ANO2: variants seen among roughly 807,000 people sequenced by gnomAD.
The protein encoded by ANO2 is anoctamin-2.
ANO2 carries 101 observed loss-of-function variants against 124.2 expected under a neutral mutation model. The observed-to-expected ratio is 0.81, with a 90% confidence interval of 0.69 to 0.96. The LOEUF (loss-of-function observed/expected upper bound fraction) is 0.96. ANO2 is among the 40% of genes least tolerant of loss of function. ANO2 has a pLI of 0.00. For missense variants in ANO2, 1,293 were observed against 1,274.5 expected, an observed-to-expected ratio of 1.01 and a Z score of -0.22; for synonymous variants, 486 against 482.5, an observed-to-expected ratio of 1.01 and a Z score of -0.09.
chr12:5,842,954 A>C (rs1954565687), intron 4 of ANO2, among the ~76,000 whole-genome samples: 1 of 152,210 alleles, frequency 6.6e-6, no homozygotes, highest in South Asian at 2.1e-4. Flanking sequence ...TTTCCAGTCT[A>C]TTTAAACAGC....
chr12:5,836,105 C>G (rs1241656765), intron 4 of ANO2, among the ~76,000 whole-genome samples: 1 of 152,176 alleles, frequency 6.6e-6, no homozygotes, highest in Non-Finnish European at 1.5e-5. Context: ...GTCCACTCCT[C>G]TCCGTCTCCA....
intron 14 of ANO2, among the ~76,000 whole-genome samples, chr12:5,660,717 C>G (rs1947394790): frequency 6.6e-6 from 1 of 152,204 alleles, no homozygotes; most frequent in South Asian, 2.1e-4. Context: ...ATGGATCCAG[C>G]ACTTGGGTCA....
chr12:5,718,703 C>T (rs182465055), intron 14 of ANO2, among the ~76,000 whole-genome samples: 25 of 152,308 alleles, frequency 1.6e-4, no homozygotes, highest in African/African-American at 5.5e-4. Context: ...AACTGGCTTC[C>T]GGCTAGATTC....
intron 14 of ANO2, among the ~76,000 whole-genome samples, chr12:5,661,592 T>G (rs1009048727): frequency 2.6e-5 from 4 of 152,030 alleles, no homozygotes; most frequent in Non-Finnish European, 4.4e-5. Context: ...TCAGTGACGC[T>G]CAGGCCATGG....
In ANO2 at chr12:5,636,249, TC is replaced by T. The variant is rs1164812177; in HGVS notation, c.1621-903del. On this transcript the variant is annotated intron_variant, in intron 15 of 24. Transcript: ENST00000682330. The surrounding 1 kb of genome is among the most constrained non-coding windows in gnomAD (Gnocchi z 4.6). ...CCAACAGCCCCTCTTCCTTCTTCTG[TC>T]CCCACGTCCCCTCCTGTCCCCATCG... 1.3e-5 allele frequency among the ~76,000 whole-genome samples: 2 copies of T among 152,092 alleles called. No individual in the cohort carries two copies. The highest frequency in any genetic ancestry group is 3.4e-3 in the Middle Eastern group (1 of 294).
chr12:5,668,828 C>A (rs1460094769), intron 14 of ANO2, among the ~76,000 whole-genome samples: 1 of 152,060 alleles, frequency 6.6e-6, no homozygotes, highest in Non-Finnish European at 1.5e-5. Flanking sequence ...CTTGTTTTTG[C>A]CAGATTTCTC....
rs144289291 is a variant in ANO2 at position 5,702,622 on chromosome 12, C to T, written c.1545+29898G>A. 1.3e-4 allele frequency among the ~76,000 whole-genome samples: 19 copies of T among 151,850 alleles called. No homozygotes were observed. The East Asian group carries it at 3.5e-3, about 28-fold the overall frequency. ...CCGAAAACAATGAAATTGATCTCTTCCGCACTCTATACACAAAAATAAATT... is the reference window on the plus strand; with the variant it reads ...CCGAAAACAATGAAATTGATCTCTTTCGCACTCTATACACAAAAATAAATT... On this transcript the variant is annotated intron_variant, in intron 14 of 24. Transcript: ENST00000682330.
chr12:5,933,666 T>C (rs1376940929), intron 1 of ANO2, among the ~76,000 whole-genome samples: 1 of 152,222 alleles, frequency 6.6e-6, no homozygotes, highest in African/African-American at 2.4e-5. Flanking sequence ...CAACTTGGCA[T>C]CCAAAGACTT....
rs1940517365 is a variant in ANO2, at chr12:5,904,184, A to G, written c.534+16856T>C. 6.6e-6 allele frequency among the ~76,000 whole-genome samples: 1 copy of G among 152,174 alleles called. No individual in the cohort carries two copies. The highest frequency in any genetic ancestry group is 2.1e-4 in the South Asian group (1 of 4,826). ...TGCTGCAGCATTAGTCTCCAATGTA[A>G]GCAGCTTATGGAAGCTGTAGTAAAG... On this transcript the variant is annotated intron_variant, in intron 3 of 24. Coordinates refer to ENST00000682330, the MANE Select transcript of ANO2 (RefSeq NM_001364791.2). This position sits in a 1 kb window ranked among gnomAD's most constrained non-coding sequence, Gnocchi z 4.1.
chr12:5,574,080 G>A (rs1172872599), intron 23 of ANO2, among the ~76,000 whole-genome samples: 1 of 152,152 alleles, frequency 6.6e-6, no homozygotes, highest in African/African-American at 2.4e-5. Context: ...TATTGGGGAT[G>A]GTCTAAGAAA....
chr12:5,610,860 A>AC (rs1565472315), intron 19 of ANO2, among the ~76,000 whole-genome samples: 6,495 of 103,186 alleles, frequency 0.063, 417 homozygotes, highest in African/African-American at 0.15. Flanking sequence ...ACACACACAC[A>AC]ACCCTAAGGG....
intron 1 of ANO2, among the ~76,000 whole-genome samples, chr12:5,931,397 C>T (rs12368063): frequency 5.9e-5 from 9 of 151,736 alleles, no homozygotes; most frequent in African/African-American, 1.9e-4. Context: ...TAACTTCCCA[C>T]GTATTGTATA....
intron 12 of ANO2, among the ~76,000 whole-genome samples, chr12:5,741,971 C>T (rs981127064): frequency 2.6e-5 from 4 of 152,158 alleles, no homozygotes; most frequent in East Asian, 1.9e-4. Flanking sequence ...AACCTCTATT[C>T]GGAAAAGAGT....
At chr12:5,828,354 A>G (rs1050776509) in intron 6 of ANO2, among the ~76,000 whole-genome samples, 1 of 152,124 alleles carries the variant, frequency 6.6e-6, no homozygotes, top group Non-Finnish European at 1.5e-5. Flanking sequence ...GAGGGTCCTG[A>G]GCAAACGCCA....
chr12:5,740,825 C>T (rs1319870068), intron 12 of ANO2: 2 of 152,210 alleles, frequency 1.3e-5, no homozygotes, highest in African/African-American at 2.4e-5. Context: ...CTATCTGAAT[C>T]GCTCATCCTG....
intron 3 of ANO2, among the ~76,000 whole-genome samples, chr12:5,887,909 T>C (rs1253544817): frequency 6.6e-6 from 1 of 152,072 alleles, no homozygotes; most frequent in Non-Finnish European, 1.5e-5. Flanking sequence ...GCACAGGGAT[T>C]TGAATTCAGG....
chr12:5,891,089 C>T (rs542303550), intron 3 of ANO2, among the ~76,000 whole-genome samples: 4 of 151,942 alleles, frequency 2.6e-5, no homozygotes, highest in South Asian at 2.1e-4. Flanking sequence ...TCTTCAGACA[C>T]GTTCTCCTTC....
chr12:5,563,264 G>A lies in ANO2; in HGVS notation c.*35C>T. On this transcript the variant is annotated 3_prime_UTR_variant, in exon 25 of 25. Transcript: ENST00000682330. ...TGCTTACGTGCATGTGCGTGTCTCT[G>A]CTGCCGTGCCCTCCTCTGCTGCAGG... The A allele has an allele frequency of 6.4e-7, 1 of 1,573,496 alleles. No individual in the cohort carries two copies. Among genetic ancestry groups the A allele is most frequent in the Admixed American group, 1.7e-5 (1 of 57,432 alleles).
intron 15 of ANO2, among the ~76,000 whole-genome samples, chr12:5,638,758 GC>G (rs1279592420): frequency 2.6e-5 from 4 of 151,960 alleles, no homozygotes; most frequent in African/African-American, 7.3e-5. Context: ...AGGGGATCTG[GC>G]TGCCTGGCAC....
Sources: allele counts gnomAD v4.1 joint callset (sites outside exome capture counted in the v4.1 genomes callset), GRCh38; gene constraint gnomAD v4.1.1; non-coding constraint Gnocchi (gnomAD v3.1); transcripts MANE v1.5; gene names NCBI Gene and HGNC (gene_info 2026-07-23, HGNC 2026-07-21).